Variants in PTPRG observed in about 807,000 individuals in gnomAD.
PTPRG encodes the protein protein tyrosine phosphatase receptor type G.
Under a neutral mutation model 165.3 loss-of-function variants are expected in PTPRG, and 102 were observed. That is an observed-to-expected ratio of 0.62 (90% CI 0.53 to 0.73). The LOEUF (loss-of-function observed/expected upper bound fraction) is 0.73, where lower values mean the gene tolerates loss of function less well. Ranked by LOEUF, PTPRG falls within the 30% of genes least tolerant of loss-of-function variation. The pLI, the probability that PTPRG is intolerant of heterozygous loss-of-function variation, is 0.00. For missense variants in PTPRG, 1,866 were observed against 1,861.4 expected, an observed-to-expected ratio of 1.00 and a Z score of -0.05; for synonymous variants, 675 against 669.5, an observed-to-expected ratio of 1.01 and a Z score of -0.13.
At chr3:61,638,126 T>C (rs984384367) in intron 1 of PTPRG, among the ~76,000 whole-genome samples, 8 of 152,222 alleles carry the variant, frequency 5.3e-5, no homozygotes, top group Non-Finnish European at 7.3e-5. Context: ...TACAAAGTTA[T>C]TATTTGCAGG....
intron 2 of PTPRG, among the ~76,000 whole-genome samples, chr3:61,912,069 A>G (rs991933204): frequency 6.6e-6 from 1 of 152,128 alleles, no homozygotes; most frequent in African/African-American, 2.4e-5. Flanking sequence ...GAGTGGTGTA[A>G]GGAGCGAGTC....
chr3:61,723,365 A>G (rs904686510), intron 1 of PTPRG, among the ~76,000 whole-genome samples: 10 of 152,092 alleles, frequency 6.6e-5, no homozygotes, highest in African/African-American at 1.7e-4. Flanking sequence ...ATCTGCCCTC[A>G]TCTTCCTCCA....
intron 2 of PTPRG, among the ~76,000 whole-genome samples, chr3:61,751,858 CG>C (rs561948125): frequency 1.9e-4 from 29 of 151,968 alleles, no homozygotes; most frequent in South Asian, 1.7e-3. Context: ...CCAGGCGTAG[CG>C]GTGGGCGCCT....
intron 2 of PTPRG, among the ~76,000 whole-genome samples, chr3:61,935,737 C>G (rs915197995): frequency 6.7e-6 from 1 of 150,320 alleles, no homozygotes; most frequent in Non-Finnish European, 1.5e-5. Context: ...TGCAAGATGT[C>G]CCAAATCCAA....
chr3:62,287,763 G>A (rs1013269324), intron 28 of PTPRG, among the ~76,000 whole-genome samples: 15 of 152,134 alleles, frequency 9.9e-5, no homozygotes, highest in Admixed American at 5.9e-4. Context: ...GTTAACAAGC[G>A]TGATCTAATA....
At chr3:62,140,078 C>T (rs1206993546) in intron 6 of PTPRG, among the ~76,000 whole-genome samples, 2 of 152,168 alleles carry the variant, frequency 1.3e-5, no homozygotes, top group African/African-American at 2.4e-5. Context: ...AGTGGGTAGA[C>T]TTCATCTTAC....
chr3:62,035,154 A>G (rs1367005327), intron 4 of PTPRG, among the ~76,000 whole-genome samples: 1 of 152,174 alleles, frequency 6.6e-6, no homozygotes, highest in Non-Finnish European at 1.5e-5. Flanking sequence ...GGGGCTTGAA[A>G]ATGGCACTGT....
intron 2 of PTPRG, among the ~76,000 whole-genome samples, chr3:61,856,172 A>G (rs896732979): frequency 5.3e-5 from 8 of 151,926 alleles, no homozygotes; most frequent in African/African-American, 1.9e-4. Context: ...AAAATTTACC[A>G]TTTTAACCAC....
intron 4 of PTPRG, among the ~76,000 whole-genome samples, chr3:62,069,961 A>G (rs934369356): frequency 6.6e-6 from 1 of 152,214 alleles, no homozygotes; most frequent in African/African-American, 2.4e-5. Flanking sequence ...TGTTAATCAC[A>G]TGTAAAAAAT....
chr3:61,995,080 C>CTTTTTTTTTTTTT (rs1233679653), intron 3 of PTPRG, among the ~76,000 whole-genome samples: 12 of 107,390 alleles, frequency 1.1e-4, no homozygotes, highest in African/African-American at 3.7e-4. Flanking sequence ...TCTTTTCTTT[C>CTTTTTTTTTTTTT]TTTCTTTTTT....
chr3:62,290,301 T>A (rs1702835101), intron 28 of PTPRG, among the ~76,000 whole-genome samples: 2 of 152,160 alleles, frequency 1.3e-5, no homozygotes, highest in Non-Finnish European at 2.9e-5. Context: ...TCCATCTATA[T>A]ATTCAGTGCA....
intron 6 of PTPRG, among the ~76,000 whole-genome samples, chr3:62,149,867 C>A (rs944686605): frequency 6.6e-6 from 1 of 152,172 alleles, no homozygotes; most frequent in African/African-American, 2.4e-5. Flanking sequence ...TTTTTTCCCC[C>A]CCTCAATCCT....
At chr3:62,101,159 G>A (rs1702277852) in intron 5 of PTPRG, among the ~76,000 whole-genome samples, 2 of 152,158 alleles carry the variant, frequency 1.3e-5, no homozygotes, top group African/African-American at 2.4e-5. Flanking sequence ...TGGGTACGTA[G>A]GAGTTCATTA....
At chr3:62,160,629 A>C (rs1432800744) in intron 7 of PTPRG, among the ~76,000 whole-genome samples, 2 of 152,246 alleles carry the variant, frequency 1.3e-5, no homozygotes, top group Non-Finnish European at 2.9e-5. Context: ...CTTTCAGTCC[A>C]GTTAACTAGG....
chr3:61,930,608 A>G (rs1041478603), intron 2 of PTPRG, among the ~76,000 whole-genome samples: 1 of 152,226 alleles, frequency 6.6e-6, no homozygotes, highest in Admixed American at 6.5e-5. Context: ...AGAGTGTGAA[A>G]GCCCAAGAAC....
chr3:61,665,872 G>A (rs1346362687), intron 1 of PTPRG, among the ~76,000 whole-genome samples: 3 of 152,030 alleles, frequency 2.0e-5, no homozygotes, highest in Non-Finnish European at 4.4e-5. Context: ...TTATGGATAT[G>A]AAACTCTTTT....
chr3:61,602,670 G>C (rs982385130), intron 1 of PTPRG, among the ~76,000 whole-genome samples: 3 of 152,148 alleles, frequency 2.0e-5, no homozygotes, highest in Non-Finnish European at 4.4e-5. Flanking sequence ...CGGCACAGGG[G>C]CTTAGTTTTG....
chr3:61,767,177 G>T (rs1247571062), intron 2 of PTPRG, among the ~76,000 whole-genome samples: 5 of 135,876 alleles, frequency 3.7e-5, no homozygotes, highest in Non-Finnish European at 7.7e-5. Context: ...CTGAGAGACA[G>T]AGGTTGCAGT....
intron 1 of PTPRG, among the ~76,000 whole-genome samples, chr3:61,602,630 C>A (rs1403058091): frequency 6.6e-6 from 1 of 152,160 alleles, no homozygotes; most frequent in Admixed American, 6.5e-5. Flanking sequence ...CTGTCTATTA[C>A]TATCTTGACA....
Sources: gnomAD v4.1 joint callset for allele counts (sites outside exome capture counted in the v4.1 genomes callset) on GRCh38, gnomAD v4.1.1 for gene constraint, MANE v1.5 for transcripts, NCBI Gene and HGNC (gene_info 2026-07-23, HGNC 2026-07-21) for gene names.